RB1CC1: variants seen among roughly 807,000 people sequenced by gnomAD.
The protein encoded by RB1CC1 is RB1-inducible coiled-coil protein 1.
A neutral mutation model predicts 177.5 loss-of-function variants in RB1CC1; 46 were observed. The observed-to-expected ratio is 0.26, with a 90% CI of 0.20 to 0.33. The LOEUF (loss-of-function observed/expected upper bound fraction) is 0.33. Ranked by LOEUF, RB1CC1 falls within the 10% of genes least tolerant of loss-of-function variation. The pLI, the probability that RB1CC1 is intolerant of heterozygous loss-of-function variation, is 1.00. For synonymous variants in RB1CC1, 666 were observed against 613.6 expected (o/e 1.09, Z -1.26); for missense variants, 1,703 against 1,816.3 (o/e 0.94, Z 1.13).
intron 12 of RB1CC1, among the ~76,000 whole-genome samples, chr8:52,659,951 T>G (rs1851465529): frequency 6.6e-6 from 1 of 152,120 alleles, no homozygotes; most frequent in African/African-American, 2.4e-5. Flanking sequence ...GAGATGAGAT[T>G]GTGCCACTGC....
intron 1 of RB1CC1, among the ~76,000 whole-genome samples, chr8:52,687,369 C>T (rs1416226777): frequency 6.6e-6 from 1 of 152,112 alleles, no homozygotes; most frequent in Non-Finnish European, 1.5e-5. Flanking sequence ...GCCTCTAAGA[C>T]AGCAGCAATT....
chr8:52,631,480 A>G (rs1848751250), intron 20 of RB1CC1, among the ~76,000 whole-genome samples: 1 of 152,174 alleles, frequency 6.6e-6, no homozygotes, highest in South Asian at 2.1e-4. Flanking sequence ...ACGCTGAGGA[A>G]TTTAGAAGTA....
At chr8:52,688,506 A>G (rs1854496787) in intron 1 of RB1CC1, among the ~76,000 whole-genome samples, 1 of 152,174 alleles carries the variant, frequency 6.6e-6, no homozygotes, top group Non-Finnish European at 1.5e-5. Flanking sequence ...CCGCCCTAGT[A>G]AATCTGTGGT....
chr8:52,638,649 T>A (rs2150399821), intron 18 of RB1CC1, among the ~76,000 whole-genome samples: 1 of 152,256 alleles, frequency 6.6e-6, no homozygotes, highest in African/African-American at 2.4e-5. Context: ...TTGATTATTG[T>A]TTTCCAAGTG....
intron 18 of RB1CC1, 22 bp downstream of exon 18, chr8:52,642,329 A>T (rs1426176504): frequency 6.3e-7 from 1 of 1,593,458 alleles, no homozygotes; most frequent in Admixed American, 1.7e-5. Flanking sequence ...CCTTAAAAAC[A>T]GTTGAAAACA....
intron 19 of RB1CC1, 60 bp from the exon 20 acceptor site, chr8:52,635,028 C>A: frequency 6.9e-7 from 1 of 1,442,226 alleles, no homozygotes; most frequent in Non-Finnish European, 9.5e-7. Flanking sequence ...TAAATCTAAA[C>A]AGTGATTGTC....
intron 1 of RB1CC1, among the ~76,000 whole-genome samples, chr8:52,713,834 T>C (rs1439423497): frequency 9.2e-5 from 14 of 152,186 alleles, no homozygotes; most frequent in Admixed American, 9.2e-4. Flanking sequence ...GGCAGCCTAG[T>C]GGAGCATCGA....
At chr8:52,626,164 T>G (rs910336428) in intron 22 of RB1CC1, among the ~76,000 whole-genome samples, 4 of 152,142 alleles carry the variant, frequency 2.6e-5, no homozygotes, top group Non-Finnish European at 5.9e-5. Flanking sequence ...AAAAACACTC[T>G]GGTAATCCGC....
chr8:52,685,639 T>C, intron 2 of RB1CC1, 119 bp from the exon 3 acceptor site: 1 of 426,090 alleles, frequency 2.3e-6, no homozygotes, highest in Non-Finnish European at 4.1e-6. Context: ...AAATGGGCTT[T>C]GATGTCTAGG....
chr8:52,673,510 G>C (rs977993391), intron 7 of RB1CC1, among the ~76,000 whole-genome samples: 11 of 152,092 alleles, frequency 7.2e-5, no homozygotes, highest in Non-Finnish European at 1.2e-4. Context: ...AGTCACACGG[G>C]GACTTTCTGG....
chr8:52,635,298 G>A (rs1849048794), intron 19 of RB1CC1, among the ~76,000 whole-genome samples: 1 of 152,116 alleles, frequency 6.6e-6, no homozygotes. Flanking sequence ...AATACATCTG[G>A]CATCTGTAAC....
At chr8:52,635,334 G>A (rs890269605) in intron 19 of RB1CC1, among the ~76,000 whole-genome samples, 5 of 152,134 alleles carry the variant, frequency 3.3e-5, no homozygotes, top group Admixed American at 6.5e-5. Context: ...TGCTGAGGTA[G>A]GAAATCACAT....
chr8:52,634,070 T>C (rs1382512523), intron 20 of RB1CC1, among the ~76,000 whole-genome samples: 1 of 151,872 alleles, frequency 6.6e-6, no homozygotes, highest in African/African-American at 2.4e-5. Context: ...TGAGCCAAGA[T>C]CGCAACACCA....
rs1359520036 is a variant in RB1CC1, at chr8:52,661,384, T to C, written c.1359-103A>G. The C allele has an allele frequency of 2.6e-5, 39 of 1,483,964 alleles. No homozygotes were observed. The Admixed American group carries it at 8.5e-4, about 32-fold the overall frequency. 91.9% of individuals were successfully genotyped at this position (1,483,964 alleles called of 1,614,324 possible). ...CTTAGTTAAGCCAAAGAAATCAAGA[T>C]ATATAAGCTCTACAAAAATAGTCTA... On this transcript the variant is annotated intron_variant, in intron 9 of 23. Coordinates refer to ENST00000025008, the MANE Select transcript of RB1CC1 (RefSeq NM_014781.5).
chr8:52,659,412 C>G (rs924608240), intron 12 of RB1CC1, among the ~76,000 whole-genome samples: 1 of 151,950 alleles, frequency 6.6e-6, no homozygotes, highest in Non-Finnish European at 1.5e-5. Flanking sequence ...TTTGCCTTGA[C>G]TTTTCCATTA....
intron 8 of RB1CC1, among the ~76,000 whole-genome samples, chr8:52,665,316 C>G (rs370332948): frequency 1.3e-5 from 2 of 152,182 alleles, no homozygotes; most frequent in South Asian, 2.1e-4. Flanking sequence ...ACATGGCAAA[C>G]GCTGAAAACA....
chr8:52,680,578 G>C (rs1387336778), intron 5 of RB1CC1, among the ~76,000 whole-genome samples: 1 of 152,130 alleles, frequency 6.6e-6, no homozygotes, highest in Non-Finnish European at 1.5e-5. Context: ...CACTACAGTA[G>C]TCAAAAGAAT....
intron 20 of RB1CC1, among the ~76,000 whole-genome samples, chr8:52,632,024 G>A (rs546635171): frequency 6.6e-6 from 1 of 152,242 alleles, no homozygotes; most frequent in East Asian, 1.9e-4. Flanking sequence ...GAACAATCAC[G>A]AAACAATGAA....
chr8:52,711,718 A>G (rs1195531847), intron 1 of RB1CC1, among the ~76,000 whole-genome samples: 6 of 152,242 alleles, frequency 3.9e-5, no homozygotes, highest in Non-Finnish European at 7.3e-5. Context: ...GTTAGAGCAC[A>G]TTAGTTTCCT....
Sources: allele counts gnomAD v4.1 joint callset (sites outside exome capture counted in the v4.1 genomes callset), GRCh38; gene constraint gnomAD v4.1.1; transcripts MANE v1.5; gene names NCBI Gene and HGNC (gene_info 2026-07-23, HGNC 2026-07-21).